COL25A1: variants seen among roughly 807,000 people sequenced by gnomAD.
The protein encoded by COL25A1 is collagen type XXV alpha 1 chain, also known as collagen alpha-1(XXV) chain.
COL25A1 carries 103 observed loss-of-function variants against 128.4 expected under a neutral mutation model. The ratio of observed to expected loss-of-function variants is 0.80; its 90% CI spans 0.68 to 0.94. The LOEUF (loss-of-function observed/expected upper bound fraction) is 0.94, where lower values mean the gene tolerates loss of function less well. Among genes scored for constraint, COL25A1 ranks in the 40% least tolerant of loss-of-function variants. The probability of loss-of-function intolerance (pLI) is 0.00; values close to 1 mark genes in which losing one functional copy is unlikely to be tolerated. For synonymous variants in COL25A1, 279 were observed against 277.2 expected, an observed-to-expected ratio of 1.01 and a Z score of -0.06; for missense variants, 745 against 840.0, an observed-to-expected ratio of 0.89 and a Z score of 1.40.
chr4:109,050,764 A>G (rs1409676779), intron 3 of COL25A1, among the ~76,000 whole-genome samples: 2 of 152,190 alleles, frequency 1.3e-5, no homozygotes, highest in Non-Finnish European at 2.9e-5. Context: ...TTTTAATAAG[A>G]CAGTGTTTAG....
At chr4:109,190,979 A>T (rs1434221439) in intron 3 of COL25A1, among the ~76,000 whole-genome samples, 1 of 152,168 alleles carries the variant, frequency 6.6e-6, no homozygotes, top group Non-Finnish European at 1.5e-5. Context: ...ATTATTTTAG[A>T]TCTGTGGCAT....
intron 3 of COL25A1, among the ~76,000 whole-genome samples, chr4:109,229,271 T>C (rs1412544483): frequency 6.6e-6 from 1 of 152,216 alleles, no homozygotes; most frequent in Admixed American, 6.5e-5. Context: ...AAAGTTATAG[T>C]GTATAAGATT....
chr4:108,971,785 G>A (rs1024147029), intron 8 of COL25A1, among the ~76,000 whole-genome samples: 1 of 152,068 alleles, frequency 6.6e-6, no homozygotes, highest in African/African-American at 2.4e-5. Flanking sequence ...GGTTAAGAGT[G>A]GAAATAGAAA....
intron 3 of COL25A1, among the ~76,000 whole-genome samples, chr4:109,180,941 A>G (rs1359614977): frequency 6.6e-6 from 1 of 152,130 alleles, no homozygotes; most frequent in East Asian, 1.9e-4. Context: ...TCTGAAGAAG[A>G]GGTAGAATCA....
At chr4:109,091,382 T>C (rs1002098775) in intron 3 of COL25A1, among the ~76,000 whole-genome samples, 3 of 152,196 alleles carry the variant, frequency 2.0e-5, no homozygotes, top group Non-Finnish European at 4.4e-5. Context: ...TCTTTCTCAG[T>C]CCAAAGTATT....
At chr4:109,112,301 G>C (rs1471484454) in intron 3 of COL25A1, among the ~76,000 whole-genome samples, 1 of 152,052 alleles carries the variant, frequency 6.6e-6, no homozygotes, top group African/African-American at 2.4e-5. Context: ...CTCCTGGGAA[G>C]TAGATGGAAT....
chr4:108,908,500 A>C (rs1743800638), intron 13 of COL25A1, among the ~76,000 whole-genome samples: 1 of 152,160 alleles, frequency 6.6e-6, no homozygotes, highest in South Asian at 2.1e-4. Context: ...TGTAACACGC[A>C]AAAGTAAAAA....
intron 3 of COL25A1, among the ~76,000 whole-genome samples, chr4:109,257,336 A>C (rs1234012331): frequency 7.9e-5 from 12 of 152,176 alleles, no homozygotes; most frequent in Admixed American, 2.0e-4. Context: ...ATATTTTTAG[A>C]GTATTAACTC....
intron 6 of COL25A1, among the ~76,000 whole-genome samples, chr4:108,986,805 T>C (rs2126006432): frequency 6.6e-6 from 1 of 152,312 alleles, no homozygotes; most frequent in South Asian, 2.1e-4. Flanking sequence ...GTAATTTTAT[T>C]AGGGTTGATG....
chr4:108,997,010 C>T (rs1754845627), intron 6 of COL25A1, among the ~76,000 whole-genome samples: 1 of 152,078 alleles, frequency 6.6e-6, no homozygotes, highest in African/African-American at 2.4e-5. Context: ...ACCAAATGCC[C>T]ACAAGAGAAA....
At chr4:108,954,308 A>G (rs1749804750) in intron 8 of COL25A1, among the ~76,000 whole-genome samples, 1 of 152,092 alleles carries the variant, frequency 6.6e-6, no homozygotes, top group African/African-American at 2.4e-5. Flanking sequence ...TTAATTTCCT[A>G]GTTGTGGTTG....
chr4:108,962,791 G>A (rs1210480473), intron 8 of COL25A1, among the ~76,000 whole-genome samples: 1 of 152,090 alleles, frequency 6.6e-6, no homozygotes, highest in Non-Finnish European at 1.5e-5. Context: ...AAACCCACTA[G>A]TGATCAATAA....
intron 3 of COL25A1, among the ~76,000 whole-genome samples, chr4:109,144,142 A>C (rs1230733367): frequency 6.6e-6 from 1 of 152,198 alleles, no homozygotes; most frequent in Non-Finnish European, 1.5e-5. Context: ...TCCTTCTAAC[A>C]GTCAGGCCCC....
intron 8 of COL25A1, among the ~76,000 whole-genome samples, chr4:108,968,179 G>A (rs1182903141): frequency 6.6e-6 from 1 of 152,122 alleles, no homozygotes; most frequent in Non-Finnish European, 1.5e-5. Flanking sequence ...GATATTTGTG[G>A]TTATTATATT....
chr4:109,028,640 T>C (rs2125912047), intron 5 of COL25A1, among the ~76,000 whole-genome samples: 1 of 151,904 alleles, frequency 6.6e-6, no homozygotes, highest in Middle Eastern at 3.4e-3. Context: ...GCAGGAGAAT[T>C]ACTTGAACCC....
At chr4:109,218,629 C>G (rs919689370) in intron 3 of COL25A1, among the ~76,000 whole-genome samples, 3 of 151,614 alleles carry the variant, frequency 2.0e-5, no homozygotes, top group Non-Finnish European at 4.4e-5. Context: ...ATATTCTTAC[C>G]CAATGAACTG....
In COL25A1 at chr4:108,920,622, T is replaced by C. The variant is rs754900361; in HGVS notation, c.709-18A>G. The C allele has an allele frequency of 6.3e-7, 1 of 1,595,808 alleles. No individual in the cohort carries two copies. The highest frequency in any genetic ancestry group is 2.2e-5 in the East Asian group (1 of 44,566). On this transcript the variant is annotated intron_variant, in intron 11 of 37. Transcript: ENST00000399132. ...AGAGGACCCTAAAAAAGAAAAACGA[T>C]TCAATTAACATACTATTGTAGCCAT... is the stretch of plus-strand genomic sequence containing the variant.
Position 108,819,237 on chromosome 4 carries a change from A to T in COL25A1, c.1923+15T>A. ...GGAACTGCATGCAGGGTGGTAGGAA[A>T]GAGAAATACTGTACCAATTGGCAAG... On this transcript the variant is annotated intron_variant, in intron 36 of 37. Coordinates refer to ENST00000399132, the MANE Select transcript of COL25A1 (RefSeq NM_198721.4). 6.3e-7 allele frequency: 1 copy of T among 1,586,246 alleles called. No individual in the cohort carries two copies. The highest frequency in any genetic ancestry group is 8.6e-7 in the Non-Finnish European group (1 of 1,167,188).
At chr4:108,884,273 A>G (rs1042055256) in intron 18 of COL25A1, 51 bp from the exon 19 acceptor site, 8 of 1,508,178 alleles carry the variant, frequency 5.3e-6, no homozygotes, top group African/African-American at 2.8e-5. Context: ...CTCAGTCACA[A>G]TATGTGGAGA....
Sources: allele counts gnomAD v4.1 joint callset (sites outside exome capture counted in the v4.1 genomes callset), GRCh38; gene constraint gnomAD v4.1.1; transcripts MANE v1.5; gene names NCBI Gene and HGNC (gene_info 2026-07-23, HGNC 2026-07-21).